OPCML: variants seen among roughly 807,000 people sequenced by gnomAD.
The protein encoded by OPCML is opioid-binding protein/cell adhesion molecule.
Under a neutral mutation model 37.8 loss-of-function variants are expected in OPCML, and 13 were observed. The ratio of observed to expected loss-of-function variants is 0.34; its 90% CI spans 0.22 to 0.55. OPCML has a LOEUF of 0.55. OPCML is among the 20% of genes least tolerant of loss of function. The pLI is 0.91. For missense variants in OPCML, 341 were observed against 435.6 expected, an observed-to-expected ratio of 0.78 and a Z score of 1.93; for synonymous variants, 176 against 168.8, an observed-to-expected ratio of 1.04 and a Z score of -0.33.
At chr11:132,904,536 AAAC>A (rs1473149160) in intron 2 of OPCML, among the ~76,000 whole-genome samples, 1 of 152,220 alleles carries the variant, frequency 6.6e-6, no homozygotes, top group Non-Finnish European at 1.5e-5. Flanking sequence ...AATTGTTTCC[AAAC>A]AACAACTGCT....
chr11:132,975,380 A>G (rs894341963), intron 1 of OPCML, among the ~76,000 whole-genome samples: 1 of 151,126 alleles, frequency 6.6e-6, no homozygotes, highest in Non-Finnish European at 1.5e-5. Context: ...AAAAAATGCC[A>G]GGCAGAGAAA....
intron 2 of OPCML, among the ~76,000 whole-genome samples, chr11:132,851,109 A>C (rs566013228): frequency 6.6e-6 from 1 of 152,322 alleles, no homozygotes; most frequent in East Asian, 1.9e-4. Flanking sequence ...CAAGCACAGA[A>C]GTGTCAGAAG....
chr11:132,467,245 C>A (rs550150290), intron 4 of OPCML, among the ~76,000 whole-genome samples: 2 of 152,192 alleles, frequency 1.3e-5, no homozygotes, highest in African/African-American at 4.8e-5. Context: ...TGCAGCCCTG[C>A]TCCTCTAGCC....
chr11:132,616,691 C>T (rs936907258), intron 3 of OPCML, among the ~76,000 whole-genome samples: 4 of 152,162 alleles, frequency 2.6e-5, no homozygotes, highest in African/African-American at 7.2e-5. Context: ...ACCAAATATA[C>T]ATTAATACCT....
chr11:133,377,523 C>T (rs937373967), intron 1 of OPCML, among the ~76,000 whole-genome samples: 2 of 148,744 alleles, frequency 1.3e-5, no homozygotes, highest in African/African-American at 4.9e-5. Flanking sequence ...GGCACAGGCC[C>T]CAGCAGCTGT....
Position 133,343,221 on chromosome 11 carries a change from T to A in OPCML, c.61+189043A>T, listed in dbSNP as rs189117330. Among the ~76,000 whole-genome samples the A allele has an allele frequency of 1.1e-3, 164 of 152,096 alleles. 1 individual carries two copies. Among genetic ancestry groups the A allele is most frequent in the African/African-American group, 3.8e-3 (156 of 41,496 alleles). On this transcript the variant is annotated intron_variant, in intron 1 of 7. Transcript: ENST00000524381. ...AGGATGGTCTTAAGAGAGAGAGAAG[T>A]GGCATGCTCATGGTGTAGTCACCCG... is the stretch of plus-strand genomic sequence containing the variant.
At chr11:132,678,444 A>C (rs1942803649) in intron 2 of OPCML, among the ~76,000 whole-genome samples, 1 of 152,244 alleles carries the variant, frequency 6.6e-6, no homozygotes. Flanking sequence ...ACCTGCACAC[A>C]GATGTTTACC....
chr11:132,594,689 G>T (rs946271182), intron 3 of OPCML, among the ~76,000 whole-genome samples: 1 of 152,300 alleles, frequency 6.6e-6, no homozygotes. Flanking sequence ...ACTCAAGAAA[G>T]TCTATTGGCC....
rs1221628299 is a variant in OPCML, at chr11:132,449,043, AG to A, written c.506-11685del. On this transcript the variant is annotated intron_variant, in intron 4 of 7. Coordinates refer to ENST00000524381, the MANE Select transcript of OPCML (RefSeq NM_001012393.5). ...TTGATGGACTGAGTTCCAACCCAGG[AG>A]CTCAGGGTCACTGTCCCACAAAGGA... Among the ~76,000 whole-genome samples, 3 of 152,168 alleles carry A rather than the reference AG, an allele frequency of 2.0e-5. No individual in the cohort carries two copies. The East Asian group carries it at 5.8e-4, about 29-fold the overall frequency.
chr11:133,053,497 C>A (rs1352660477), intron 1 of OPCML, among the ~76,000 whole-genome samples: 1 of 152,304 alleles, frequency 6.6e-6, no homozygotes, highest in East Asian at 1.9e-4. Flanking sequence ...CCACTCCAGT[C>A]AGGCTCTGTT....
At chr11:133,426,456 T>C (rs1388500746) in intron 1 of OPCML, among the ~76,000 whole-genome samples, 4 of 152,180 alleles carry the variant, frequency 2.6e-5, no homozygotes, top group African/African-American at 9.7e-5. Flanking sequence ...TCTATCTCCC[T>C]GTCCTAGAAT....
intron 1 of OPCML, among the ~76,000 whole-genome samples, chr11:133,383,519 T>G (rs1041720532): frequency 1.3e-5 from 2 of 152,208 alleles, no homozygotes; most frequent in African/African-American, 2.4e-5. Flanking sequence ...TACTTGTTTT[T>G]GGGACTGCCA....
chr11:132,868,079 G>C (rs1278886774), intron 2 of OPCML, among the ~76,000 whole-genome samples: 1 of 152,136 alleles, frequency 6.6e-6, no homozygotes. Context: ...TGCTTTGCTA[G>C]CACTAATGTA....
At chr11:133,405,127 G>A (rs1253154663) in intron 1 of OPCML, among the ~76,000 whole-genome samples, 1 of 152,206 alleles carries the variant, frequency 6.6e-6, no homozygotes, top group East Asian at 1.9e-4. Context: ...GCTCAAGCAA[G>A]GATGTAAAAA....
At chr11:132,732,909 G>A (rs1945127881) in intron 2 of OPCML, among the ~76,000 whole-genome samples, 2 of 152,124 alleles carry the variant, frequency 1.3e-5, no homozygotes, top group African/African-American at 4.8e-5. Context: ...GGCTTAGGAG[G>A]AAAGGACACA....
At chr11:133,316,032 T>G (rs1943198169) in intron 1 of OPCML, among the ~76,000 whole-genome samples, 1 of 152,094 alleles carries the variant, frequency 6.6e-6, no homozygotes, top group South Asian at 2.1e-4. Flanking sequence ...TCATCTCATC[T>G]CCAGATAGTA....
chr11:133,328,157 AT>A (rs533894891), intron 1 of OPCML, among the ~76,000 whole-genome samples: 2,623 of 138,176 alleles, frequency 0.019, 13 homozygotes, highest in African/African-American at 0.02. Flanking sequence ...GTGTGTTTTA[AT>A]TTTTTTTTTT....
intron 4 of OPCML, among the ~76,000 whole-genome samples, chr11:132,522,937 T>TCTA (rs1480371102): frequency 6.6e-6 from 1 of 152,220 alleles, no homozygotes; most frequent in African/African-American, 2.4e-5. Context: ...CAGTCATGGA[T>TCTA]CAGTACTTTT....
chr11:132,879,788 G>A (rs1461401254), intron 2 of OPCML, among the ~76,000 whole-genome samples: 1 of 152,160 alleles, frequency 6.6e-6, no homozygotes, highest in Non-Finnish European at 1.5e-5. Flanking sequence ...TGCAATAGTA[G>A]TGGGAGATAT....
Sources: gnomAD v4.1 joint callset for allele counts (sites outside exome capture counted in the v4.1 genomes callset) on GRCh38, gnomAD v4.1.1 for gene constraint, MANE v1.5 for transcripts, NCBI Gene and HGNC (gene_info 2026-07-23, HGNC 2026-07-21) for gene names.